TANGO6: variants seen among roughly 807,000 people sequenced by gnomAD.
The protein encoded by TANGO6 is transport and Golgi organization protein 6 homolog.
A neutral mutation model predicts 114.2 loss-of-function variants in TANGO6; 90 were observed. The ratio of observed to expected loss-of-function variants is 0.79; its 90% CI spans 0.66 to 0.94. The LOEUF is 0.94. Ranked by LOEUF, TANGO6 falls within the 40% of genes least tolerant of loss-of-function variation. The pLI is 0.00. For synonymous variants in TANGO6, 477 were observed against 509.8 expected, an observed-to-expected ratio of 0.94 and a Z score of 0.87; for missense variants, 1,274 against 1,315.3, an observed-to-expected ratio of 0.97 and a Z score of 0.49.
chr16:69,079,456 A>G (rs946934064), intron 17 of TANGO6, among the ~76,000 whole-genome samples: 2 of 151,992 alleles, frequency 1.3e-5, no homozygotes, highest in African/African-American at 4.8e-5. Context: ...AAAGGAAAAC[A>G]TTTGATAAAT....
intron 15 of TANGO6, among the ~76,000 whole-genome samples, chr16:69,012,929 A>G (rs1208323219): frequency 6.6e-6 from 1 of 152,212 alleles, no homozygotes; most frequent in Non-Finnish European, 1.5e-5. Flanking sequence ...AGAAGCAACA[A>G]CCAAAACCAA....
chr16:69,040,371 A>G lies in TANGO6; in HGVS notation c.3058A>G (p.Ile1020Val). 2 of 1,609,674 alleles carry G rather than the reference A, an allele frequency of 1.2e-6. No individual in the cohort carries two copies. The highest frequency in any genetic ancestry group is 8.5e-7 in the Non-Finnish European group (1 of 1,178,266). ...TGAAGTTCAAGTACGCAGAGCTGCC[A>G]TACATGTGGTTGTGCTGCTGCTTCG... ...DGEVQVRRAA[I>V]HVVVLLLRGL... The change falls in exon 17 of 18, where the codon ATA (isoleucine) becomes GTA (valine). Residue 1020 changes from isoleucine (I) to valine (V), a missense_variant. Ile to Val is a conservative substitution (Grantham distance 29, BLOSUM62 3). Transcript: ENST00000261778.
At chr16:68,908,539 G>C (rs1437723825) in intron 10 of TANGO6, among the ~76,000 whole-genome samples, 1 of 151,996 alleles carries the variant, frequency 6.6e-6, no homozygotes, top group Admixed American at 6.6e-5. Flanking sequence ...AATCAGCCTG[G>C]CATGGTGGCT....
chr16:68,939,247 G>A (rs777757093), intron 14 of TANGO6, among the ~76,000 whole-genome samples: 2 of 152,022 alleles, frequency 1.3e-5, no homozygotes, highest in Non-Finnish European at 2.9e-5. Context: ...GTGGTTAGCC[G>A]GGTGTGGTGG....
chr16:68,980,383 T>TCTATCTC (rs1555526453), intron 15 of TANGO6, among the ~76,000 whole-genome samples: 1 of 36,862 alleles, frequency 2.7e-5, no homozygotes, highest in Non-Finnish European at 5.1e-5. Flanking sequence ...CTGTCTGTCA[T>TCTATCTC]TCTCTCTCTC....
At chr16:68,969,656 T>C (rs1326178972) in intron 14 of TANGO6, among the ~76,000 whole-genome samples, 11 of 149,700 alleles carry the variant, frequency 7.3e-5, no homozygotes, top group African/African-American at 2.7e-4. Flanking sequence ...AAAAGCTCCC[T>C]AATGAGTTTA....
At chr16:68,905,405 G>A (rs1433700512) in intron 9 of TANGO6, among the ~76,000 whole-genome samples, 3 of 151,070 alleles carry the variant, frequency 2.0e-5, no homozygotes, top group African/African-American at 2.4e-5. Flanking sequence ...GCGTGGTGGC[G>A]GGCACCTGTA....
intron 16 of TANGO6, among the ~76,000 whole-genome samples, 199 bp from the exon 17 acceptor site, chr16:69,040,109 C>T (rs911539188): frequency 6.6e-6 from 1 of 152,140 alleles, no homozygotes; most frequent in Non-Finnish European, 1.5e-5. Flanking sequence ...TGGATTTTGC[C>T]CTCTACCAGA....
intron 7 of TANGO6, among the ~76,000 whole-genome samples, chr16:68,896,779 A>G (rs1209966646): frequency 6.6e-6 from 1 of 152,238 alleles, no homozygotes; most frequent in African/African-American, 2.4e-5. Context: ...GCATTTATTT[A>G]TCAGATTGAA....
At chr16:69,000,987 T>C (rs1248470826) in intron 15 of TANGO6, among the ~76,000 whole-genome samples, 1 of 152,218 alleles carries the variant, frequency 6.6e-6, no homozygotes, top group Non-Finnish European at 1.5e-5. Context: ...CCTTTAGTTT[T>C]ATCCTATATT....
At chr16:68,914,721 G>A (rs1212391644) in intron 11 of TANGO6, among the ~76,000 whole-genome samples, 3 of 152,074 alleles carry the variant, frequency 2.0e-5, no homozygotes, top group Non-Finnish European at 2.9e-5. Flanking sequence ...GTGGCTGGAA[G>A]CCCCACCAAA....
rs552401807 is a variant in TANGO6 at position 69,024,329 on chromosome 16, C to T, written c.2994+1350C>T. The stretch of plus-strand genomic sequence containing the variant: ...TAGCCCAGGCTGGAGTGCAGTGGCA[C>T]GATCTCGGCTTACTGCAACCTCCGC... On this transcript the variant is annotated intron_variant, in intron 16 of 17. Transcript: ENST00000261778. Among the ~76,000 whole-genome samples, 139 of 151,716 alleles carry T rather than the reference C, an allele frequency of 9.2e-4. 1 individual carries two copies. The highest frequency in any genetic ancestry group is 2.9e-3 in the African/African-American group (122 of 41,372).
chr16:69,055,768 G>T (rs766581363), intron 17 of TANGO6, among the ~76,000 whole-genome samples: 2 of 152,236 alleles, frequency 1.3e-5, no homozygotes, highest in Non-Finnish European at 2.9e-5. Flanking sequence ...GCGTGCTGGC[G>T]TGTCACGCCT....
intron 15 of TANGO6, 100 bp from the exon 16 acceptor site, chr16:69,022,728 A>G (rs1959428715): frequency 7.6e-7 from 1 of 1,324,358 alleles, no homozygotes; most frequent in Non-Finnish European, 1.0e-6. Context: ...AACAAAAAGA[A>G]TAAGACATCA....
chr16:68,994,685 C>T (rs1963975416), intron 15 of TANGO6, among the ~76,000 whole-genome samples: 1 of 151,766 alleles, frequency 6.6e-6, no homozygotes, highest in African/African-American at 2.4e-5. Context: ...AACAATCCTC[C>T]CACTTGAGCC....
chr16:68,954,827 G>A (rs183705667), intron 14 of TANGO6, among the ~76,000 whole-genome samples: 4 of 152,198 alleles, frequency 2.6e-5, no homozygotes, highest in Non-Finnish European at 5.9e-5. Context: ...TAATTTTTTA[G>A]CGGTGGAATC....
chr16:68,883,771 A>G lies in TANGO6; in HGVS notation c.1377+3141A>G, dbSNP rs140930702. On this transcript the variant is annotated intron_variant, in intron 7 of 17. Coordinates refer to ENST00000261778, the MANE Select transcript of TANGO6 (RefSeq NM_024562.2). ...AGTGACCGCACCATTTTACATTCCCATCGGCAGTATATGAGGGTATAAAGT... is the reference window on the plus strand; with the variant it reads ...AGTGACCGCACCATTTTACATTCCCGTCGGCAGTATATGAGGGTATAAAGT... 6.3e-3 allele frequency among the ~76,000 whole-genome samples: 965 copies of G among 152,286 alleles called. 13 individuals are homozygous for G. Among genetic ancestry groups the G allele is most frequent in the Non-Finnish European group, 5.3e-3 (358 of 68,040 alleles).
intron 14 of TANGO6, among the ~76,000 whole-genome samples, chr16:68,953,650 C>A (rs576553651): frequency 6.6e-6 from 1 of 151,980 alleles, no homozygotes. Flanking sequence ...TTTAAATAGC[C>A]GTTCTGTAGG....
Position 68,945,241 on chromosome 16 carries a change from G to C in TANGO6, c.2701+14946G>C, listed in dbSNP as rs540935775. ...AAAGAAAGTTCATTGGCACTGTAAA[G>C]TTCTGAGCAGCTGACAAGCTCTGAG... On this transcript the variant is annotated intron_variant, in intron 14 of 17. Transcript: ENST00000261778. Among the ~76,000 whole-genome samples, 15 of 152,354 alleles carry C rather than the reference G, an allele frequency of 9.8e-5. No homozygotes were observed. In the South Asian group the frequency reaches 2.9e-3, roughly 29 times the overall value.
Sources: gnomAD v4.1 joint callset for allele counts (sites outside exome capture counted in the v4.1 genomes callset) on GRCh38, gnomAD v4.1.1 for gene constraint, MANE v1.5 for transcripts, NCBI Gene and HGNC (gene_info 2026-07-23, HGNC 2026-07-21) for gene names.